The following EXTL3 variants were observed in gnomAD, a reference collection of about 807,000 sequenced individuals.
EXTL3 encodes exostosin-like 3.
Under a neutral mutation model 69.3 loss-of-function variants are expected in EXTL3, and 27 were observed. The ratio of observed to expected loss-of-function variants is 0.39; its 90% CI spans 0.29 to 0.54. EXTL3 has a LOEUF of 0.54. Among genes scored for constraint, EXTL3 ranks in the 20% least tolerant of loss-of-function variants. EXTL3 has a pLI of 0.69. For missense variants in EXTL3, 1,003 were observed against 1,231.8 expected (o/e 0.81, Z 2.78); for synonymous variants, 511 against 499.4 (o/e 1.02, Z -0.31).
intron 1 of EXTL3, among the ~76,000 whole-genome samples, chr8:28,645,674 C>T (rs1563434608): frequency 6.6e-6 from 1 of 151,822 alleles, no homozygotes. Context: ...TAAAATAAGC[C>T]TTTCTAAAGT....
chr8:28,705,703 G>T (rs544085301), intron 1 of EXTL3, among the ~76,000 whole-genome samples: 1 of 152,306 alleles, frequency 6.6e-6, no homozygotes, highest in East Asian at 1.9e-4. Context: ...GTATGTTTGA[G>T]AAGCGAAAAC....
intron 2 of EXTL3, among the ~76,000 whole-genome samples, chr8:28,616,498 G>A (rs1335843188): frequency 6.6e-6 from 1 of 152,128 alleles, no homozygotes; most frequent in Non-Finnish European, 1.5e-5. Flanking sequence ...GTGGTGGCGG[G>A]CGCCTGCAGT....
intron 2 of EXTL3, among the ~76,000 whole-genome samples, chr8:28,610,614 G>A (rs1445312839): frequency 2.0e-5 from 3 of 152,134 alleles, no homozygotes; most frequent in African/African-American, 7.2e-5. Context: ...GTGCTTCATG[G>A]AATCTCTGTC....
At chr8:28,657,139 C>T (rs149560084) in intron 1 of EXTL3, among the ~76,000 whole-genome samples, 1,776 of 152,124 alleles carry the variant, frequency 0.012, 41 homozygotes, top group African/African-American at 0.041. Context: ...GTGGAGGTTT[C>T]GCCATGTTGG....
chr8:28,710,586 A>AT lies in EXTL3; in HGVS notation c.-569-2861dup, dbSNP rs948597400. On this transcript the variant is annotated intron_variant, in intron 1 of 6. Transcript: ENST00000220562. ...ATTTTTATGTCTATATTCATGAGAGATTTTTTTTTTGTAGTTTTCTTTCTT... is the reference window on the plus strand; with the variant it reads ...ATTTTTATGTCTATATTCATGAGAGATTTTTTTTTTTGTAGTTTTCTTTCTT... The AT allele has an allele frequency of 5.1e-3, 1,533 of 300,304 alleles. 1 individual carries two copies. The highest frequency in any genetic ancestry group is 7.2e-3 in the East Asian group (66 of 9,152). The allele number at this position is 300,304 out of a possible 1,614,324, so 18.6% of individuals were successfully genotyped here.
chr8:28,692,357 T>A (rs557713228), intron 1 of EXTL3, among the ~76,000 whole-genome samples: 1 of 152,310 alleles, frequency 6.6e-6, no homozygotes, highest in East Asian at 1.9e-4. Flanking sequence ...TATTATTGTG[T>A]TCTGGGATTG....
intron 1 of EXTL3, among the ~76,000 whole-genome samples, chr8:28,643,074 T>A (rs190492104): frequency 1.4e-4 from 21 of 152,152 alleles, no homozygotes; most frequent in African/African-American, 5.1e-4. Flanking sequence ...TGAAACCCCA[T>A]CTCTACTAAA....
chr8:28,630,723 A>G (rs1233966777), intron 1 of EXTL3, among the ~76,000 whole-genome samples: 2 of 152,252 alleles, frequency 1.3e-5, no homozygotes, highest in Non-Finnish European at 2.9e-5. Context: ...CAGAACAGGT[A>G]AGGATGGGTA....
chr8:28,743,117 C>A lies in EXTL3; in HGVS notation c.2453C>A (p.Pro818His). Residue 818 changes from proline to histidine, a missense_variant, in exon 6 of 7, where the codon CCC becomes CAC. Transcript: ENST00000220562. The stretch of plus-strand genomic sequence containing the variant: ...GCCTACCTGTATTCTTATGTGATGC[C>A]CCAGGCCATCCGGGACATGGTGGAT... ...YYAYLYSYVM[P>H]QAIRDMVDEY... The A allele has an allele frequency of 6.2e-7, 1 of 1,614,134 alleles. No homozygotes were observed. The highest frequency in any genetic ancestry group is 8.5e-7 in the Non-Finnish European group (1 of 1,179,998).
chr8:28,716,930 G>A lies in EXTL3; in HGVS notation c.871G>A (p.Val291Ile), dbSNP rs762247666. 9.5e-5 allele frequency: 154 copies of A among 1,614,034 alleles called. No homozygotes were observed. The highest frequency in any genetic ancestry group is 1.3e-4 in the Non-Finnish European group (149 of 1,180,040). Residue 291 changes from valine to isoleucine, a missense_variant, in exon 3 of 7, where the codon GTC becomes ATC. Physicochemically the swap from Val to Ile is conservative, Grantham distance 29. This residue lies in a region of EXTL3 where 742 missense variants were observed against 815.4 expected (regional missense o/e 0.91). Coordinates refer to ENST00000220562, the MANE Select transcript of EXTL3 (RefSeq NM_001440.4). This position sits in a 1 kb window ranked among gnomAD's most constrained non-coding sequence, Gnocchi z 7.1. ...AGATACACAGAACCTTCTCTATAACGTCAGTACTGGCCGTGCCATGGTGGC... is the reference window on the plus strand; with the variant it reads ...AGATACACAGAACCTTCTCTATAACATCAGTACTGGCCGTGCCATGGTGGC... ...KSDTQNLLYN[V>I]STGRAMVAQS... is the part of the protein sequence containing the mutation.
At chr8:28,742,278 T>G (rs573313093) in intron 5 of EXTL3, 15 of 152,332 alleles carry the variant, frequency 9.8e-5, no homozygotes, top group Non-Finnish European at 1.3e-4. Flanking sequence ...ACATCTTTAA[T>G]AATGGCTATG....
At chr8:28,645,600 C>G (rs1471248217) in intron 1 of EXTL3, among the ~76,000 whole-genome samples, 1 of 152,098 alleles carries the variant, frequency 6.6e-6, no homozygotes, top group Non-Finnish European at 1.5e-5. Context: ...TTTTGCTTAT[C>G]TGTGTTTTAA....
At chr8:28,633,639 T>A (rs1287659984) in intron 1 of EXTL3, among the ~76,000 whole-genome samples, 1 of 151,894 alleles carries the variant, frequency 6.6e-6, no homozygotes, top group Non-Finnish European at 1.5e-5. Context: ...GTTTCAAAAA[T>A]AATAATAATA....
In EXTL3 at chr8:28,743,222, C is replaced by T; in HGVS notation, c.2550+8C>T. ...CGGAAGCCCCCCATCAAGGTGAGGTCCCACCACTGGTGGGGCTGTGGATGC... is the reference window on the plus strand; with the variant it reads ...CGGAAGCCCCCCATCAAGGTGAGGTTCCACCACTGGTGGGGCTGTGGATGC... On this transcript the variant is annotated splice_region_variant and intron_variant, in intron 6 of 6. Transcript: ENST00000220562. 1 of 1,614,148 alleles carries T rather than the reference C, an allele frequency of 6.2e-7. No homozygotes were observed. Among genetic ancestry groups the T allele is most frequent in the South Asian group, 1.1e-5 (1 of 91,066 alleles).
At chr8:28,612,760 C>T (rs796322020) in intron 2 of EXTL3, among the ~76,000 whole-genome samples, 4 of 152,080 alleles carry the variant, frequency 2.6e-5, no homozygotes, top group African/African-American at 9.6e-5. Flanking sequence ...GCTTTGTTGC[C>T]GAGGCTGGAG....
Position 28,716,448 on chromosome 8 carries a change from A to G in EXTL3, c.389A>G (p.Gln130Arg). The change falls in exon 3 of 7, where the codon CAG becomes CGG. Residue 130 changes from glutamine (Q) to arginine (R), a missense_variant. By Grantham distance (43) the Gln-to-Arg change is conservative. Around this residue, in one of 2 missense-constraint regions of EXTL3, gnomAD observed 742 missense variants for 815.4 expected, o/e 0.91. Coordinates refer to ENST00000220562, the MANE Select transcript of EXTL3 (RefSeq NM_001440.4). This position sits in a 1 kb window ranked among gnomAD's most constrained non-coding sequence, Gnocchi z 7.1. Reference sequence around the variant, plus strand: ...GAGAACGCCAAGCAGGACCTGCTCCAGCTCAAGAATGTCATCAGCCAGACC... The same window carrying G: ...GAGAACGCCAAGCAGGACCTGCTCCGGCTCAAGAATGTCATCAGCCAGACC... Reference protein sequence around the residue: ...SIENAKQDLLQLKNVISQTEH... With the variant: ...SIENAKQDLLRLKNVISQTEH... 6.2e-7 allele frequency: 1 copy of G among 1,613,886 alleles called. No homozygotes were observed. Among genetic ancestry groups the G allele is most frequent in the Non-Finnish European group, 8.5e-7 (1 of 1,179,976 alleles).
At chr8:28,609,176 G>C (rs939421481) in intron 2 of EXTL3, among the ~76,000 whole-genome samples, 3 of 152,136 alleles carry the variant, frequency 2.0e-5, no homozygotes, top group Non-Finnish European at 4.4e-5. Flanking sequence ...TGAGTGAACA[G>C]AGAGTGGGTA....
At chr8:28,642,445 C>CA (rs34884110) in intron 1 of EXTL3, among the ~76,000 whole-genome samples, 4,788 of 91,816 alleles carry the variant, frequency 0.052, 274 homozygotes, top group African/African-American at 0.15. Context: ...AACACTGTCT[C>CA]AAAAAAAAAA....
intron 1 of EXTL3, among the ~76,000 whole-genome samples, chr8:28,624,299 C>T (rs1806459333): frequency 1.3e-5 from 2 of 152,212 alleles, no homozygotes. Context: ...TGTGGTGGCT[C>T]ACACCTGTAA....
Sources: gnomAD v4.1 joint callset for allele counts (sites outside exome capture counted in the v4.1 genomes callset) on GRCh38, gnomAD v4.1.1 for gene constraint, gnomAD v4.1.1 regional missense constraint, Gnocchi (gnomAD v3.1) non-coding constraint, MANE v1.5 for transcripts, NCBI Gene and HGNC (gene_info 2026-07-23, HGNC 2026-07-21) for gene names.